CREB5: variants seen among roughly 807,000 people sequenced by gnomAD.
CREB5 encodes cAMP responsive element binding protein 5.
In CREB5, 19 loss-of-function variants were observed where a neutral mutation model predicts 57.1. That is an observed-to-expected ratio of 0.33 (90% CI 0.23 to 0.49). CREB5 has a LOEUF of 0.49. Ranked by LOEUF, CREB5 falls within the 20% of genes least tolerant of loss-of-function variation. The pLI is 0.99. For synonymous variants in CREB5, 238 were observed against 238.3 expected, an observed-to-expected ratio of 1.00 and a Z score of 0.01; for missense variants, 579 against 671.6, an observed-to-expected ratio of 0.86 and a Z score of 1.52.
At chr7:28,707,339 T>G (rs1386455409) in intron 5 of CREB5, among the ~76,000 whole-genome samples, 3 of 152,218 alleles carry the variant, frequency 2.0e-5, no homozygotes, top group Non-Finnish European at 2.9e-5. Flanking sequence ...CTAAAGTCAT[T>G]CTCATGCCAT....
At chr7:28,704,888 G>A (rs1278236468) in intron 5 of CREB5, among the ~76,000 whole-genome samples, 1 of 152,148 alleles carries the variant, frequency 6.6e-6, no homozygotes, top group East Asian at 1.9e-4. Flanking sequence ...TGAGGACACA[G>A]CCCTAGATCA....
intron 1 of CREB5, among the ~76,000 whole-genome samples, chr7:28,421,608 C>T (rs1230327242): frequency 6.6e-6 from 1 of 151,878 alleles, no homozygotes; most frequent in Non-Finnish European, 1.5e-5. Flanking sequence ...AAAAGCTAGG[C>T]ACGTAACACT....
intron 5 of CREB5, chr7:28,614,991 T>C (rs907439659): frequency 1.3e-5 from 2 of 152,248 alleles, no homozygotes; most frequent in Admixed American, 6.5e-5. Flanking sequence ...CCATACTATA[T>C]TAATGTTCTG....
chr7:28,422,259 T>G (rs564462270), intron 1 of CREB5, among the ~76,000 whole-genome samples: 1 of 152,212 alleles, frequency 6.6e-6, no homozygotes, highest in Admixed American at 6.5e-5. Context: ...TGGTTTGCTG[T>G]GTGGAGAGAT....
At chr7:28,744,817 T>C (rs894779457) in intron 7 of CREB5, among the ~76,000 whole-genome samples, 12 of 152,222 alleles carry the variant, frequency 7.9e-5, no homozygotes, top group African/African-American at 2.9e-4. Flanking sequence ...TTAAACAAAA[T>C]CCTAACCAGG....
At chr7:28,363,408 C>T (rs1786528361) in intron 1 of CREB5, among the ~76,000 whole-genome samples, 1 of 152,038 alleles carries the variant, frequency 6.6e-6, no homozygotes, top group Non-Finnish European at 1.5e-5. Context: ...AGGACTGAGC[C>T]TCATGGCTGT....
intron 1 of CREB5, among the ~76,000 whole-genome samples, chr7:28,324,805 T>C (rs949284075): frequency 9.2e-5 from 14 of 152,220 alleles, no homozygotes; most frequent in African/African-American, 3.4e-4. Context: ...ATTACCATGG[T>C]CAAAACAGAA....
At chr7:28,415,624 A>G (rs11975587) in intron 1 of CREB5, among the ~76,000 whole-genome samples, 3,960 of 152,018 alleles carry the variant, frequency 0.026, 140 homozygotes, top group African/African-American at 0.083. Context: ...TCCTTTTTTC[A>G]TCATTGTTAT....
intron 1 of CREB5, among the ~76,000 whole-genome samples, chr7:28,365,391 C>G (rs1786565856): frequency 6.6e-6 from 1 of 152,188 alleles, no homozygotes; most frequent in Admixed American, 6.5e-5. Context: ...CACACCCTCA[C>G]CTTTGCTCCC....
intron 1 of CREB5, among the ~76,000 whole-genome samples, chr7:28,398,279 G>A (rs902641001): frequency 6.6e-6 from 1 of 152,088 alleles, no homozygotes; most frequent in African/African-American, 2.4e-5. Flanking sequence ...TGAGTAGAGC[G>A]CTCCATGGTG....
chr7:28,593,021 A>G (rs181750261), intron 5 of CREB5, among the ~76,000 whole-genome samples: 46 of 152,348 alleles, frequency 3.0e-4, no homozygotes, highest in African/African-American at 1.1e-3. Flanking sequence ...CAACCACAGC[A>G]TATCGCTCTA....
At chr7:28,513,020 A>C (rs1414780636) in intron 4 of CREB5, among the ~76,000 whole-genome samples, 1 of 152,224 alleles carries the variant, frequency 6.6e-6, no homozygotes, top group African/African-American at 2.4e-5. Flanking sequence ...AGAACAGGGC[A>C]TGGTGGGGTC....
At chr7:28,524,316 A>AACACACAC (rs4000595) in intron 4 of CREB5, among the ~76,000 whole-genome samples, 3,581 of 136,596 alleles carry the variant, frequency 0.026, 62 homozygotes, top group East Asian at 0.044. Flanking sequence ...GCCTCTACTA[A>AACACACAC]ACACACACAC....
At chr7:28,434,813 T>C (rs1788881105) in intron 1 of CREB5, among the ~76,000 whole-genome samples, 2 of 152,218 alleles carry the variant, frequency 1.3e-5, no homozygotes, top group Non-Finnish European at 2.9e-5. Flanking sequence ...TGTGCAATTC[T>C]AAGTTTGGAA....
intron 4 of CREB5, among the ~76,000 whole-genome samples, chr7:28,549,369 T>A (rs117353723): frequency 0.014 from 2,112 of 152,336 alleles, 31 homozygotes; most frequent in Middle Eastern, 0.058. Flanking sequence ...AGCACACAGT[T>A]TGGAAACTGC....
At position 28,804,530 on chromosome 7, in the gene CREB5, T is replaced by A. The variant is rs2128800841; in HGVS notation, c.1026+8T>A. 6.2e-7 allele frequency: 1 copy of A among 1,610,890 alleles called. No homozygotes were observed. The highest frequency in any genetic ancestry group is 8.5e-7 in the Non-Finnish European group (1 of 1,177,396). The stretch of plus-strand genomic sequence containing the variant: ...ACCGGCAACCAAGCACAGGTAGACC[T>A]TTTCCGTGATCTCTTTCCCCTTCTT... On this transcript the variant is annotated splice_region_variant and intron_variant, in intron 8 of 10. Coordinates refer to ENST00000357727, the MANE Select transcript of CREB5 (RefSeq NM_182898.4).
intron 1 of CREB5, among the ~76,000 whole-genome samples, chr7:28,356,308 C>T (rs571665540): frequency 2.0e-5 from 3 of 152,300 alleles, no homozygotes; most frequent in South Asian, 2.1e-4. Flanking sequence ...GCTGCTATCT[C>T]AATGAAGTGG....
chr7:28,674,318 G>A (rs1417279621), intron 5 of CREB5, among the ~76,000 whole-genome samples: 1 of 152,188 alleles, frequency 6.6e-6, no homozygotes, highest in Non-Finnish European at 1.5e-5. Context: ...GAACCCAGCT[G>A]CAGGAGCTAC....
intron 5 of CREB5, among the ~76,000 whole-genome samples, chr7:28,571,238 T>C (rs1795690712): frequency 6.6e-6 from 1 of 152,212 alleles, no homozygotes; most frequent in Non-Finnish European, 1.5e-5. Flanking sequence ...TGTTTATTTC[T>C]GGAATTTTCC....
Sources: gnomAD v4.1 joint callset for allele counts (sites outside exome capture counted in the v4.1 genomes callset) on GRCh38, gnomAD v4.1.1 for gene constraint, MANE v1.5 for transcripts, NCBI Gene and HGNC (gene_info 2026-07-23, HGNC 2026-07-21) for gene names.